CCDC138: variants seen among roughly 807,000 people sequenced by gnomAD.
CCDC138 encodes coiled-coil domain containing 138, also known as coiled-coil domain-containing protein 138.
In CCDC138, 66 loss-of-function variants were observed where a neutral mutation model predicts 82.3. That is an observed-to-expected ratio of 0.80 (90% CI 0.66 to 0.98). CCDC138 has a LOEUF of 0.98. Ranked by LOEUF, CCDC138 falls within the 50% of genes least tolerant of loss-of-function variation. The probability of loss-of-function intolerance (pLI) is 0.00; values close to 1 mark genes in which losing one functional copy is unlikely to be tolerated. For missense variants in CCDC138, 816 were observed against 758.9 expected, an observed-to-expected ratio of 1.08 and a Z score of -0.88; for synonymous variants, 297 against 265.4, an observed-to-expected ratio of 1.12 and a Z score of -1.16.
At chr2:108,808,319 A>C (rs1302851436) in intron 7 of CCDC138, among the ~76,000 whole-genome samples, 1 of 152,182 alleles carries the variant, frequency 6.6e-6, no homozygotes, top group Admixed American at 6.5e-5. Context: ...TGCAGTAAAC[A>C]TGGGAGTGCA....
chr2:108,810,823 CTT>C (rs1683669344), intron 7 of CCDC138, among the ~76,000 whole-genome samples: 1 of 152,132 alleles, frequency 6.6e-6, no homozygotes, highest in Non-Finnish European at 1.5e-5. Flanking sequence ...TCGGGCTTTT[CTT>C]TGTTGGGAAA....
At chr2:108,854,260 G>T (rs1357703833) in intron 12 of CCDC138, among the ~76,000 whole-genome samples, 1 of 151,004 alleles carries the variant, frequency 6.6e-6, no homozygotes, top group Admixed American at 6.7e-5. Context: ...AATTGTTGCT[G>T]TTCTCAGTTA....
intron 4 of CCDC138, among the ~76,000 whole-genome samples, chr2:108,793,869 T>C (rs1680380657): frequency 6.6e-6 from 1 of 152,016 alleles, no homozygotes. Context: ...CCCAAAGTGC[T>C]GGGATTATAG....
intron 7 of CCDC138, among the ~76,000 whole-genome samples, chr2:108,805,647 A>C (rs1356046205): frequency 6.6e-6 from 1 of 152,122 alleles, no homozygotes; most frequent in Non-Finnish European, 1.5e-5. Context: ...GAATGTCGTG[A>C]ACCCAGGAGG....
chr2:108,805,513 C>G (rs1041166999), intron 7 of CCDC138, among the ~76,000 whole-genome samples: 1 of 151,818 alleles, frequency 6.6e-6, no homozygotes, highest in Non-Finnish European at 1.5e-5. Flanking sequence ...ATCACGAGGT[C>G]AGGAGTTCGA....
chr2:108,818,441 A>G (rs1685143311), intron 10 of CCDC138, among the ~76,000 whole-genome samples: 1 of 152,234 alleles, frequency 6.6e-6, no homozygotes, highest in Admixed American at 6.5e-5. Context: ...GTCTGTTGAC[A>G]TGTTCAGGAT....
At chr2:108,809,887 C>A (rs1035925967) in intron 7 of CCDC138, among the ~76,000 whole-genome samples, 2 of 152,180 alleles carry the variant, frequency 1.3e-5, no homozygotes, top group Non-Finnish European at 2.9e-5. Flanking sequence ...CTCACTGCAA[C>A]CTCCACCTCC....
intron 10 of CCDC138, among the ~76,000 whole-genome samples, chr2:108,818,474 A>G (rs1164164592): frequency 2.0e-5 from 3 of 152,196 alleles, no homozygotes; most frequent in Non-Finnish European, 4.4e-5. Context: ...TTAAGCCTAG[A>G]TCCTTTCAGT....
intron 10 of CCDC138, among the ~76,000 whole-genome samples, chr2:108,819,671 C>T (rs934478336): frequency 6.6e-6 from 1 of 152,188 alleles, no homozygotes; most frequent in Non-Finnish European, 1.5e-5. Flanking sequence ...AAACCTCTAA[C>T]TGGGCTGATT....
At chr2:108,849,052 A>G (rs1690975679) in intron 12 of CCDC138, among the ~76,000 whole-genome samples, 1 of 152,214 alleles carries the variant, frequency 6.6e-6, no homozygotes. Flanking sequence ...GACTTCAATC[A>G]GATTTCTGCA....
rs200369886 is a variant in CCDC138, at chr2:108,813,464, AGT to A, written c.1041+540_1041+541del. 2.7e-3 allele frequency among the ~76,000 whole-genome samples: 418 copies of A among 152,298 alleles called. 3 individuals carry two copies. Among genetic ancestry groups the A allele is most frequent in the African/African-American group, 9.6e-3 (400 of 41,582 alleles). On this transcript the variant is annotated intron_variant, in intron 9 of 14. Coordinates refer to ENST00000295124, the MANE Select transcript of CCDC138 (RefSeq NM_144978.3). ...GAAAACAAAACTATTATATTTCAGC[AGT>A]GTTTCAGGTACGTATCATTGACACA...
intron 2 of CCDC138, chr2:108,882,799 C>G (rs908173349): frequency 2.0e-5 from 3 of 152,122 alleles, no homozygotes; most frequent in Non-Finnish European, 4.4e-5. Flanking sequence ...GAGGTAAGCA[C>G]CTGAGAGTGT....
Position 108,876,402 on chromosome 2 carries a change from T to C in CCDC138, c.*149T>C. The C allele has an allele frequency of 2.1e-6, 1 of 485,174 alleles. No individual in the cohort carries two copies. Among genetic ancestry groups the C allele is most frequent in the Admixed American group, 3.6e-5 (1 of 27,408 alleles). The allele number at this position is 485,174 out of a possible 1,614,324, so 30.1% of individuals were successfully genotyped here. A position where few individuals can be genotyped will look rare whatever the true frequency, so the allele number is the denominator to read the frequency against. Reference sequence around the variant, plus strand: ...ATTTTTTTGAACTGTAAAAATGAAATCTGTAGAAGGTATTGGAACTTTTGG... The same window carrying C: ...ATTTTTTTGAACTGTAAAAATGAAACCTGTAGAAGGTATTGGAACTTTTGG... On this transcript the variant is annotated 3_prime_UTR_variant, in exon 15 of 15. Coordinates refer to ENST00000295124, the MANE Select transcript of CCDC138 (RefSeq NM_144978.3).
intron 11 of CCDC138, among the ~76,000 whole-genome samples, chr2:108,843,406 C>T (rs1337930858): frequency 6.6e-6 from 1 of 152,226 alleles, no homozygotes; most frequent in Non-Finnish European, 1.5e-5. Context: ...GATCCACCTG[C>T]CGTGGCCTCC....
intron 7 of CCDC138, among the ~76,000 whole-genome samples, chr2:108,808,346 A>C (rs761729415): frequency 7.2e-5 from 11 of 152,300 alleles, no homozygotes; most frequent in Admixed American, 2.6e-4. Flanking sequence ...TCTTCAATAT[A>C]CTGATTTTCT....
At chr2:108,796,938 T>C (rs1276470977) in intron 5 of CCDC138, among the ~76,000 whole-genome samples, 1 of 152,208 alleles carries the variant, frequency 6.6e-6, no homozygotes, top group South Asian at 2.1e-4. Flanking sequence ...TGATAATTTA[T>C]TGTATATTTT....
intron 7 of CCDC138, among the ~76,000 whole-genome samples, chr2:108,810,122 G>T (rs887215419): frequency 1.3e-5 from 2 of 152,082 alleles, no homozygotes; most frequent in Non-Finnish European, 2.9e-5. Context: ...TTCCAATTTG[G>T]ATGTCTTTTA....
At chr2:108,790,167 T>G (rs1216143752) in intron 3 of CCDC138, among the ~76,000 whole-genome samples, 3 of 152,190 alleles carry the variant, frequency 2.0e-5, no homozygotes, top group Non-Finnish European at 4.4e-5. Context: ...TATTACTATT[T>G]CATGTTGCAC....
chr2:108,859,204 T>G (rs866855832), intron 13 of CCDC138, among the ~76,000 whole-genome samples: 9 of 152,346 alleles, frequency 5.9e-5, no homozygotes, highest in Middle Eastern at 3.4e-3. Flanking sequence ...ATGTCTTCTT[T>G]TGAGAAGTAT....
Sources: allele counts gnomAD v4.1 joint callset (sites outside exome capture counted in the v4.1 genomes callset), GRCh38; gene constraint gnomAD v4.1.1; transcripts MANE v1.5; gene names NCBI Gene and HGNC (gene_info 2026-07-23, HGNC 2026-07-21).